The following EHD3 variants were observed in gnomAD, a reference collection of about 807,000 sequenced individuals.
EHD3 encodes the protein EH domain containing 3.
A neutral mutation model predicts 43.0 loss-of-function variants in EHD3; 17 were observed. That is an observed-to-expected ratio of 0.40 (90% confidence interval 0.27 to 0.59). EHD3 has a LOEUF of 0.59. Among genes scored for constraint, EHD3 ranks in the 20% least tolerant of loss-of-function variants. The probability of loss-of-function intolerance (pLI) is 0.49; values close to 1 mark genes in which losing one functional copy is unlikely to be tolerated. For synonymous variants in EHD3, 313 were observed against 289.5 expected (o/e 1.08, Z -0.82); for missense variants, 594 against 705.6 (o/e 0.84, Z 1.79).
At chr2:31,239,894 C>T (rs985254174) in intron 1 of EHD3, among the ~76,000 whole-genome samples, 3 of 151,232 alleles carry the variant, frequency 2.0e-5, no homozygotes, top group Non-Finnish European at 4.4e-5. Context: ...TGCGGGAAGG[C>T]CCTTCTCCAG....
chr2:31,253,117 C>G (rs1472822784), intron 3 of EHD3, among the ~76,000 whole-genome samples: 1 of 150,270 alleles, frequency 6.7e-6, no homozygotes. Flanking sequence ...TGACGCACAC[C>G]TCCCCCACCC....
intron 3 of EHD3, among the ~76,000 whole-genome samples, chr2:31,254,419 G>A (rs1381032278): frequency 6.6e-6 from 1 of 152,196 alleles, no homozygotes; most frequent in Non-Finnish European, 1.5e-5. Context: ...CTGTGTGGGC[G>A]CTCCTGTGCC....
In EHD3 at chr2:31,243,572, T is replaced by C. The variant is rs13412138; in HGVS notation, c.228-702T>C. Among the ~76,000 whole-genome samples the C allele has an allele frequency of 5.1e-3, 764 of 150,570 alleles. 6 individuals are homozygous for C. The highest frequency in any genetic ancestry group is 0.018 in the African/African-American group (736 of 41,084). On this transcript the variant is annotated intron_variant, in intron 1 of 5. Coordinates refer to ENST00000322054, the MANE Select transcript of EHD3 (RefSeq NM_014600.3). ...CCCGGGTTCAAATGATTCTCCTGCCTCAGCCTCCCTAGTAGCTGGGATTAC... is the reference window on the plus strand; with the variant it reads ...CCCGGGTTCAAATGATTCTCCTGCCCCAGCCTCCCTAGTAGCTGGGATTAC...
intron 2 of EHD3, among the ~76,000 whole-genome samples, chr2:31,245,271 AACTT>A (rs1428691178): frequency 2.0e-5 from 3 of 152,142 alleles, no homozygotes; most frequent in African/African-American, 7.2e-5. Context: ...CAAGTTACAA[AACTT>A]ACTTGTTTCT....
intron 2 of EHD3, among the ~76,000 whole-genome samples, chr2:31,245,549 ATATATTT>A (rs1471151736): frequency 1.0e-3 from 47 of 47,068 alleles, no homozygotes; most frequent in South Asian, 3.0e-3. Context: ...ATATATATAT[ATATATTT>A]TTTTTTTTTT....
intron 5 of EHD3, among the ~76,000 whole-genome samples, chr2:31,264,125 T>C (rs905383858): frequency 1.3e-5 from 2 of 152,210 alleles, no homozygotes; most frequent in African/African-American, 4.8e-5. Context: ...CCATAGAATG[T>C]ATATACACAA....
Position 31,239,720 on chromosome 2 carries a change from A to G in EHD3, c.228-4554A>G, listed in dbSNP as rs140504265. Among the ~76,000 whole-genome samples, 666 of 152,324 alleles carry G rather than the reference A, an allele frequency of 4.4e-3. 5 individuals carry two copies. Among genetic ancestry groups the G allele is most frequent in the African/African-American group, 0.016 (646 of 41,570 alleles). ...CCTTATCCATAAGATGCGAATAGTA[A>G]TAACCGCCTCACAGCATTACTGACC... On this transcript the variant is annotated intron_variant, in intron 1 of 5. Coordinates refer to ENST00000322054, the MANE Select transcript of EHD3 (RefSeq NM_014600.3).
chr2:31,245,553 A>ATATATATATATATATATATATTTTTTTT (rs1446415610), intron 2 of EHD3, among the ~76,000 whole-genome samples: 1 of 35,052 alleles, frequency 2.9e-5, no homozygotes, highest in Non-Finnish European at 5.7e-5. Flanking sequence ...ATATATATAT[A>ATATATATATATATATATATATTTTTTTT]TTTTTTTTTT....
At chr2:31,261,793 T>G (rs959790592) in intron 5 of EHD3, 80 bp downstream of exon 5, 7 of 1,532,528 alleles carry the variant, frequency 4.6e-6, no homozygotes, top group Non-Finnish European at 6.2e-6. Flanking sequence ...AGGAGGCCAC[T>G]CTTGGAGCCC....
At chr2:31,251,738 C>T (rs1683639568) in intron 3 of EHD3, among the ~76,000 whole-genome samples, 1 of 152,096 alleles carries the variant, frequency 6.6e-6, no homozygotes, top group Non-Finnish European at 1.5e-5. Context: ...TCTGAGCCTC[C>T]CTCCTTCCAG....
At chr2:31,256,379 ATTACTCAT>A (rs1415512566) in intron 3 of EHD3, among the ~76,000 whole-genome samples, 2 of 152,172 alleles carry the variant, frequency 1.3e-5, no homozygotes, top group African/African-American at 4.8e-5. Flanking sequence ...AGGCCCAGAG[ATTACTCAT>A]TTACTGTCTC....
Position 31,266,156 on chromosome 2 carries a change from C to CCT in EHD3, c.1081-15_1081-14dup. Reference sequence around the variant, plus strand: ...TCCTTTCATCGTATCCTATCTTCATCCTCTCTCCTCCTCTTCCCAGGACCA... The same window carrying CCT: ...TCCTTTCATCGTATCCTATCTTCATCCTCTCTCTCCTCCTCTTCCCAGGACCA... On this transcript the variant is annotated intron_variant, in intron 5 of 5. Coordinates refer to ENST00000322054, the MANE Select transcript of EHD3 (RefSeq NM_014600.3). This position sits in a 1 kb window ranked among gnomAD's most constrained non-coding sequence, Gnocchi z 5.1. 6.3e-7 allele frequency: 1 copy of CCT among 1,592,832 alleles called. No homozygotes were observed.
chr2:31,253,282 A>C (rs981729337), intron 3 of EHD3, among the ~76,000 whole-genome samples: 5 of 150,062 alleles, frequency 3.3e-5, no homozygotes, highest in African/African-American at 1.2e-4. Context: ...ACACACACAA[A>C]TGTGTGCATA....
At position 31,266,808 on chromosome 2, in the gene EHD3, A is replaced by T. The variant is rs1360462236; in HGVS notation, c.*104A>T. On this transcript the variant is annotated 3_prime_UTR_variant, in exon 6 of 6. Coordinates refer to ENST00000322054, the MANE Select transcript of EHD3 (RefSeq NM_014600.3). The surrounding 1 kb of genome is among the most constrained non-coding windows in gnomAD (Gnocchi z 5.1). ...CACACACACACAAACATGCACACAC[A>T]CATATGCATATCTTGACATTGCTCT... 2 of 1,326,914 alleles carry T rather than the reference A, an allele frequency of 1.5e-6. No individual in the cohort carries two copies. The allele number at this position is 1,326,914 out of a possible 1,614,324, so 82.2% of individuals were successfully genotyped here.
chr2:31,259,274 T>C (rs1683804695), intron 3 of EHD3, among the ~76,000 whole-genome samples: 1 of 152,186 alleles, frequency 6.6e-6, no homozygotes. Context: ...TCCATCTTCA[T>C]GCGACTGCTG....
At chr2:31,253,797 C>T (rs1479068866) in intron 3 of EHD3, among the ~76,000 whole-genome samples, 5 of 152,102 alleles carry the variant, frequency 3.3e-5, no homozygotes, top group Non-Finnish European at 7.4e-5. Flanking sequence ...TGGGCCAGCA[C>T]TTGTCTCTGG....
chr2:31,260,058 G>C lies in EHD3; in HGVS notation c.503-452G>C, dbSNP rs1383566255. ...TCTACTAAAAACACAAAAATTAGAC[G>C]GGCATGGTGGCGCATGCCTGTAATC... On this transcript the variant is annotated intron_variant, in intron 3 of 5. Transcript: ENST00000322054. The surrounding 1 kb of genome is among the most constrained non-coding windows in gnomAD (Gnocchi z 4.6). Among the ~76,000 whole-genome samples, 1 of 152,080 alleles carries C rather than the reference G, an allele frequency of 6.6e-6. No individual in the cohort carries two copies. The highest frequency in any genetic ancestry group is 1.5e-5 in the Non-Finnish European group (1 of 68,022).
intron 5 of EHD3, 71 bp downstream of exon 5, chr2:31,261,784 G>A (rs1410258662): frequency 1.0e-5 from 16 of 1,563,866 alleles, no homozygotes; most frequent in Non-Finnish European, 1.3e-5. Flanking sequence ...TGAGTATGGA[G>A]GAGGCCACTC....
chr2:31,266,696 G>T lies in EHD3; in HGVS notation c.1600G>T (p.Ala534Ser), dbSNP rs1003041015. The change falls in exon 6 of 6, where the codon GCC becomes TCC. Residue 534 changes from alanine (A) to serine (S), a missense_variant. Coordinates refer to ENST00000322054, the MANE Select transcript of EHD3 (RefSeq NM_014600.3). This position sits in a 1 kb window ranked among gnomAD's most constrained non-coding sequence, Gnocchi z 5.1. ...CCTGCCCCCGTCCAAGAGGAAAGTT[G>T]CCGAGTGATGGGGTGGGGGGACATT... ...HLLPPSKRKV[A>S]E 1 of 1,601,026 alleles carries T rather than the reference G, an allele frequency of 6.2e-7. No individual in the cohort carries two copies. The highest frequency in any genetic ancestry group is 8.5e-7 in the Non-Finnish European group (1 of 1,172,850).
Sources: allele counts gnomAD v4.1 joint callset (sites outside exome capture counted in the v4.1 genomes callset), GRCh38; gene constraint gnomAD v4.1.1; non-coding constraint Gnocchi (gnomAD v3.1); transcripts MANE v1.5; gene names NCBI Gene and HGNC (gene_info 2026-07-23, HGNC 2026-07-21).